Variants in GRAMD1C observed in about 807,000 individuals in gnomAD.
The protein encoded by GRAMD1C is protein Aster-C.
In GRAMD1C, 89 loss-of-function variants were observed where a neutral mutation model predicts 97.8. That is an observed-to-expected ratio of 0.91 (90% CI 0.77 to 1.09). GRAMD1C has a LOEUF of 1.09. Ranked by LOEUF, GRAMD1C falls within the 50% of genes least tolerant of loss-of-function variation. The pLI is 0.00. For missense variants in GRAMD1C, 740 were observed against 766.4 expected, an observed-to-expected ratio of 0.97 and a Z score of 0.41; for synonymous variants, 256 against 267.0, an observed-to-expected ratio of 0.96 and a Z score of 0.40.
chr3:113,937,937 A>G (rs370398660), intron 14 of GRAMD1C, 149 bp from the exon 15 acceptor site: 8 of 512,832 alleles, frequency 1.6e-5, no homozygotes, highest in East Asian at 1.1e-4. Context: ...CCTGGGAGGC[A>G]GAGGTTGCGG....
In GRAMD1C at chr3:113,908,485, C is replaced by T. The variant is rs77478676; in HGVS notation, c.790-473C>T. 4.3e-3 allele frequency among the ~76,000 whole-genome samples: 649 copies of T among 152,248 alleles called. 34 individuals carry two copies. The East Asian group carries it at 0.11, about 26-fold the overall frequency. On this transcript the variant is annotated intron_variant, in intron 8 of 17. Coordinates refer to ENST00000358160, the MANE Select transcript of GRAMD1C (RefSeq NM_017577.5). ...TTAATCTTCTCTCTCCCACTGTACTCATATGTGACTTTTATCTCTCCATTT... is the reference window on the plus strand; with the variant it reads ...TTAATCTTCTCTCTCCCACTGTACTTATATGTGACTTTTATCTCTCCATTT...
At chr3:113,857,184 T>C (rs78327429) in intron 2 of GRAMD1C, among the ~76,000 whole-genome samples, 1 of 146,452 alleles carries the variant, frequency 6.8e-6, no homozygotes, top group African/African-American at 2.5e-5. Context: ...AACAAAAAAA[T>C]AAAACCCCAA....
chr3:113,843,835 C>T (rs558810356), intron 1 of GRAMD1C, among the ~76,000 whole-genome samples: 12 of 152,244 alleles, frequency 7.9e-5, no homozygotes, highest in East Asian at 3.9e-4. Flanking sequence ...TATTGATGGA[C>T]GGTGAGGTTA....
At chr3:113,873,834 G>A (rs904298457) in intron 3 of GRAMD1C, among the ~76,000 whole-genome samples, 13 of 152,140 alleles carry the variant, frequency 8.5e-5, no homozygotes, top group African/African-American at 3.1e-4. Flanking sequence ...ATGTGTTTTA[G>A]TAAGTCAGCC....
intron 3 of GRAMD1C, among the ~76,000 whole-genome samples, chr3:113,872,917 CAAA>C (rs1173058062): frequency 1.6e-5 from 1 of 64,426 alleles, no homozygotes. Flanking sequence ...ACTAAAAATA[CAAA>C]AAAAAAAAAA....
intron 9 of GRAMD1C, among the ~76,000 whole-genome samples, chr3:113,912,146 T>C (rs1936626202): frequency 6.6e-6 from 1 of 152,132 alleles, no homozygotes. Flanking sequence ...ATAATCTACT[T>C]CCTATGGTTA....
At chr3:113,908,170 C>A (rs528465999) in intron 8 of GRAMD1C, among the ~76,000 whole-genome samples, 1 of 152,246 alleles carries the variant, frequency 6.6e-6, no homozygotes, top group South Asian at 2.1e-4. Flanking sequence ...TGTGTACATA[C>A]AGAAAATGCA....
At chr3:113,857,877 T>TA (rs935834709) in intron 2 of GRAMD1C, among the ~76,000 whole-genome samples, 14 of 152,338 alleles carry the variant, frequency 9.2e-5, no homozygotes, top group African/African-American at 3.1e-4. Flanking sequence ...TAATTCTTTT[T>TA]ATTTATGGCT....
At chr3:113,885,867 G>C in intron 6 of GRAMD1C, 1 of 1,612,244 alleles carries the variant, frequency 6.2e-7, no homozygotes, top group Non-Finnish European at 8.5e-7. Flanking sequence ...CTCCCTAGGG[G>C]CTTACAGGAG....
intron 8 of GRAMD1C, among the ~76,000 whole-genome samples, chr3:113,904,887 T>C (rs141934466): frequency 6.6e-6 from 1 of 152,248 alleles, no homozygotes; most frequent in African/African-American, 2.4e-5. Context: ...CAGGCTGGAG[T>C]GCAATGGCAT....
At position 113,946,367 on chromosome 3, in the gene GRAMD1C, G is replaced by T. The variant is rs79561484; in HGVS notation, c.*889G>T. On this transcript the variant is annotated 3_prime_UTR_variant, in exon 18 of 18. Transcript: ENST00000358160. ...GGCTTCCTTCTTTATGTATGTGTGTGACTTGTTTTGATTGGTAAGTTATAA... is the reference window on the plus strand; with the variant it reads ...GGCTTCCTTCTTTATGTATGTGTGTTACTTGTTTTGATTGGTAAGTTATAA... The T allele has an allele frequency of 6.2e-3, 943 of 152,598 alleles. 25 individuals carry two copies. The highest frequency in any genetic ancestry group is 0.055 in the East Asian group (286 of 5,180). The allele number at this position is 152,598 out of a possible 1,614,324, so 9.5% of individuals were successfully genotyped here.
intron 10 of GRAMD1C, among the ~76,000 whole-genome samples, chr3:113,916,469 A>C (rs1936817940): frequency 1.3e-5 from 2 of 152,258 alleles, no homozygotes; most frequent in South Asian, 4.1e-4. Flanking sequence ...TAGAACTCAC[A>C]GATACAATGT....
chr3:113,885,837 A>G lies in GRAMD1C; in HGVS notation c.540+3005A>G, dbSNP rs1935454515. On this transcript the variant is annotated intron_variant, in intron 6 of 17. Coordinates refer to ENST00000358160, the MANE Select transcript of GRAMD1C (RefSeq NM_017577.5). ...CTCTGTGGTCCACAGTGACCTCTCCAGCATTGTGATCCTGGATAACTCCCT... is the reference window on the plus strand; with the variant it reads ...CTCTGTGGTCCACAGTGACCTCTCCGGCATTGTGATCCTGGATAACTCCCT... 13 of 1,611,868 alleles carry G rather than the reference A, an allele frequency of 8.1e-6. No individual in the cohort carries two copies. In the Admixed American group the frequency reaches 1.5e-4, roughly 19 times the overall value.
At chr3:113,871,298 T>C (rs1346047931) in intron 3 of GRAMD1C, among the ~76,000 whole-genome samples, 1 of 152,230 alleles carries the variant, frequency 6.6e-6, no homozygotes, top group Admixed American at 6.5e-5. Flanking sequence ...CTTTATTTTT[T>C]ACTATAAGCT....
intron 10 of GRAMD1C, among the ~76,000 whole-genome samples, chr3:113,916,816 A>G (rs1376526016): frequency 1.3e-5 from 2 of 152,148 alleles, no homozygotes; most frequent in Non-Finnish European, 2.9e-5. Context: ...TAATGGTTAA[A>G]TCCTCATAAG....
chr3:113,907,064 T>C (rs1227568977), intron 8 of GRAMD1C, among the ~76,000 whole-genome samples: 1 of 152,202 alleles, frequency 6.6e-6, no homozygotes, highest in Non-Finnish European at 1.5e-5. Flanking sequence ...AATCACCTAA[T>C]GATACATTTC....
At chr3:113,890,660 C>A in intron 6 of GRAMD1C, 1 of 667,042 alleles carries the variant, frequency 1.5e-6, no homozygotes. Context: ...GAGGTGCATT[C>A]TCTCATTCTA....
chr3:113,846,801 T>C (rs1455880699), intron 2 of GRAMD1C, among the ~76,000 whole-genome samples: 1 of 152,180 alleles, frequency 6.6e-6, no homozygotes, highest in African/African-American at 2.4e-5. Context: ...TGGCTCAGTT[T>C]GGGCCCCTAA....
At chr3:113,920,949 A>C (rs1937024259) in intron 10 of GRAMD1C, among the ~76,000 whole-genome samples, 1 of 152,206 alleles carries the variant, frequency 6.6e-6, no homozygotes, top group African/African-American at 2.4e-5. Flanking sequence ...GTACATGTGC[A>C]GATTTGTTAT....
Sources: allele counts gnomAD v4.1 joint callset (sites outside exome capture counted in the v4.1 genomes callset), GRCh38; gene constraint gnomAD v4.1.1; transcripts MANE v1.5; gene names NCBI Gene and HGNC (gene_info 2026-07-23, HGNC 2026-07-21).